DTD2: variants seen among roughly 807,000 people sequenced by gnomAD.
DTD2 encodes the protein D-aminoacyl-tRNA deacylase 2, also known as D-tyrosyl-tRNA deacylase 2 (putative).
In DTD2, 12 loss-of-function variants were observed where a neutral mutation model predicts 15.5. The ratio of observed to expected loss-of-function variants is 0.77; its 90% CI spans 0.50 to 1.25. The LOEUF (loss-of-function observed/expected upper bound fraction) is 1.25, where lower values mean the gene tolerates loss of function less well. Among genes scored for constraint, DTD2 ranks in the 50% most tolerant of loss-of-function variants. The probability of loss-of-function intolerance (pLI) is 0.00; values close to 1 mark genes in which losing one functional copy is unlikely to be tolerated. For missense variants in DTD2, 170 were observed against 201.1 expected (o/e 0.85, Z 0.93); for synonymous variants, 59 against 77.3 (o/e 0.76, Z 1.24).
At position 31,446,357 on chromosome 14, in the gene DTD2, A is replaced by C. The variant is rs1022646311; in HGVS notation, c.*1772T>G. ...TAAAAAAAAAAAGTATTTTCAACTC[A>C]AGTCAGAGGAGTTTGCCAAAACTGA... On this transcript the variant is annotated 3_prime_UTR_variant, in exon 3 of 3. Transcript: ENST00000310850. The C allele has an allele frequency of 6.6e-6, 1 of 152,152 alleles. No individual in the cohort carries two copies. The highest frequency in any genetic ancestry group is 1.5e-5 in the Non-Finnish European group (1 of 68,022). The allele number at this position is 152,152 out of a possible 1,614,324, so 9.4% of individuals were successfully genotyped here. A position where few individuals can be genotyped will look rare whatever the true frequency, so the allele number is the denominator to read the frequency against.
rs149834157 is a variant in DTD2 at position 31,449,818 on chromosome 14, G to A, written c.182-1364C>T. Reference sequence around the variant, plus strand: ...CATGCTTTCTGTTGGGGTAGCTAACGGTTTTAATTATTAGAGGGTCTGTAG... The same window carrying A: ...CATGCTTTCTGTTGGGGTAGCTAACAGTTTTAATTATTAGAGGGTCTGTAG... On this transcript the variant is annotated intron_variant, in intron 2 of 2. Coordinates refer to ENST00000310850, the MANE Select transcript of DTD2 (RefSeq NM_080664.3). Among the ~76,000 whole-genome samples, 5 of 152,262 alleles carry A rather than the reference G, an allele frequency of 3.3e-5. No homozygotes were observed. In the East Asian group the frequency reaches 5.8e-4, roughly 18 times the overall value.
intron 1 of DTD2, 122 bp downstream of exon 1, chr14:31,457,161 G>T (rs2032104684): frequency 1.1e-6 from 1 of 924,252 alleles, no homozygotes; most frequent in South Asian, 1.5e-5. Flanking sequence ...AGCTGACCCG[G>T]TATCCCCGCG....
intron 1 of DTD2, chr14:31,456,969 C>T: frequency 2.6e-6 from 1 of 390,034 alleles, no homozygotes; most frequent in South Asian, 2.8e-5. Context: ...GCATAGACCA[C>T]GAGCTGCAAG....
chr14:31,455,780 A>C (rs8020578), intron 1 of DTD2, among the ~76,000 whole-genome samples: 96,761 of 150,878 alleles, frequency 0.64, 31,804 homozygotes, highest in African/African-American at 0.8. Context: ...CGGGATTTCA[A>C]CATGTTGGCC....
chr14:31,448,536 CAT>C, intron 2 of DTD2, 82 bp from the exon 3 acceptor site: 1 of 1,296,384 alleles, frequency 7.7e-7, no homozygotes, highest in East Asian at 2.4e-5. Context: ...CAGCAAATCT[CAT>C]GTTTAAAATT....
chr14:31,451,864 T>C (rs775944045), intron 2 of DTD2, among the ~76,000 whole-genome samples: 16 of 152,230 alleles, frequency 1.1e-4, no homozygotes, highest in Non-Finnish European at 2.4e-4. Flanking sequence ...CAAGTTTGTA[T>C]GTATGTTTGT....
intron 2 of DTD2, among the ~76,000 whole-genome samples, chr14:31,451,488 G>C (rs2032034749): frequency 6.6e-6 from 1 of 151,580 alleles, no homozygotes; most frequent in Non-Finnish European, 1.5e-5. Flanking sequence ...CTTCAGACCA[G>C]AACATTATGC....
At position 31,448,323 on chromosome 14, in the gene DTD2, G is replaced by A; in HGVS notation, c.313C>T (p.Gln105Ter). ...LGGRLKGRNMQYHSNSGKEEG... is the reference protein window; with the variant it reads ...LGGRLKGRNM ...TCTTTTCCAGAGTTAGAGTGATATT[G>A]CATGTTTCTTCCTTTTAGTCTTCCT... Residue 105 changes from glutamine (Q) to a stop codon, truncating the protein, a stop_gained, in exon 3 of 3, where the codon CAA becomes TAA. Transcript: ENST00000310850. LOFTEE classifies it high-confidence loss of function. The A allele has an allele frequency of 6.2e-7, 1 of 1,614,144 alleles. No individual in the cohort carries two copies. The highest frequency in any genetic ancestry group is 1.1e-5 in the South Asian group (1 of 91,082).
intron 1 of DTD2, among the ~76,000 whole-genome samples, chr14:31,456,723 G>A (rs12897517): frequency 0.056 from 8,474 of 152,268 alleles, 327 homozygotes; most frequent in Non-Finnish European, 0.083. Flanking sequence ...TAAATTCTTT[G>A]GAGAAATGTG....
At position 31,457,253 on chromosome 14, in the gene DTD2, G is replaced by GTTA. The variant is rs761870196; in HGVS notation, c.111+29_111+30insTAA. 7.8e-6 allele frequency: 12 copies of GTTA among 1,540,694 alleles called. No homozygotes were observed. The East Asian group carries it at 2.9e-4, about 38-fold the overall frequency. On this transcript the variant is annotated intron_variant, in intron 1 of 2. Transcript: ENST00000310850. ...GGAAAAAACCGCCCCGCACGCCGGA[G>GTTA]GATAACGAGAGCTGCCGGGCTGACG...
intron 1 of DTD2, among the ~76,000 whole-genome samples, chr14:31,455,550 CA>C (rs1196931988): frequency 0.027 from 1,871 of 68,736 alleles, 14 homozygotes; most frequent in South Asian, 0.054. Context: ...GACTCTGTCT[CA>C]AAAAAAAAAA....
rs2031980329 is a variant in DTD2 at position 31,447,887 on chromosome 14, C to A, written c.*242G>T. 2.2e-6 allele frequency: 1 copy of A among 451,504 alleles called. No individual in the cohort carries two copies. Among genetic ancestry groups the A allele is most frequent in the South Asian group, 4.1e-5 (1 of 24,464 alleles). The allele number at this position is 451,504 out of a possible 1,614,324, so 28.0% of individuals were successfully genotyped here. The stretch of plus-strand genomic sequence containing the variant: ...TAATGACTATGAAGTGAATAGACAG[C>A]ATATTTCAAATTTTCAAGTAGAAGG... On this transcript the variant is annotated 3_prime_UTR_variant, in exon 3 of 3. Transcript: ENST00000310850.
At chr14:31,448,933 G>A (rs936849155) in intron 2 of DTD2, among the ~76,000 whole-genome samples, 10 of 152,044 alleles carry the variant, frequency 6.6e-5, no homozygotes, top group South Asian at 2.1e-4. Flanking sequence ...TCACTCTGTC[G>A]CCCAGGCTGG....
chr14:31,449,771 C>G (rs1041192503), intron 2 of DTD2, among the ~76,000 whole-genome samples: 2 of 152,102 alleles, frequency 1.3e-5, no homozygotes, highest in African/African-American at 4.8e-5. Flanking sequence ...AGACACCTGC[C>G]CTCAAATTAG....
At position 31,447,112 on chromosome 14, in the gene DTD2, A is replaced by C. The variant is rs1408261722; in HGVS notation, c.*1017T>G. On this transcript the variant is annotated 3_prime_UTR_variant, in exon 3 of 3. Transcript: ENST00000310850. The stretch of plus-strand genomic sequence containing the variant: ...TTGAATGTCCCTGGAAAGTAATATA[A>C]CACACAATAACCCTTCTATATTACA... The C allele has an allele frequency of 6.6e-6, 1 of 152,158 alleles. No homozygotes were observed. The highest frequency in any genetic ancestry group is 2.4e-5 in the African/African-American group (1 of 41,442). 9.4% of individuals were successfully genotyped at this position (152,158 alleles called of 1,614,324 possible).
chr14:31,447,976 C>T lies in DTD2; in HGVS notation c.*153G>A. On this transcript the variant is annotated 3_prime_UTR_variant, in exon 3 of 3. Transcript: ENST00000310850. The stretch of plus-strand genomic sequence containing the variant: ...GTTTAGGTGACTTGGCAAAGTCATC[C>T]AATTAGCAGGTGCAGAGTTATATAT... 4.8e-6 allele frequency: 3 copies of T among 621,794 alleles called. No individual in the cohort carries two copies. The highest frequency in any genetic ancestry group is 5.4e-6 in the Non-Finnish European group (2 of 370,468). The allele number at this position is 621,794 out of a possible 1,614,324, so 38.5% of individuals were successfully genotyped here. A position where few individuals can be genotyped will look rare whatever the true frequency, so the allele number is the denominator to read the frequency against.
rs377544415 is a variant in DTD2 at position 31,450,284 on chromosome 14, G to A, written c.182-1830C>T. Among the ~76,000 whole-genome samples the A allele has an allele frequency of 3.0e-4, 46 of 152,270 alleles. No individual in the cohort carries two copies. In the South Asian group the frequency reaches 3.5e-3, roughly 12 times the overall value. ...AAATACAATGTAGAAACAGTAAGTA[G>A]AATTAAAACGAGACAATGAATTAAT... is the stretch of plus-strand genomic sequence containing the variant. On this transcript the variant is annotated intron_variant, in intron 2 of 2. Coordinates refer to ENST00000310850, the MANE Select transcript of DTD2 (RefSeq NM_080664.3).
At chr14:31,456,205 CA>C (rs2032092927) in intron 1 of DTD2, among the ~76,000 whole-genome samples, 1 of 151,932 alleles carries the variant, frequency 6.6e-6, no homozygotes, top group African/African-American at 2.4e-5. Flanking sequence ...CAAGCCTGGC[CA>C]AAATGGCGAA....
intron 2 of DTD2, chr14:31,453,002 A>G (rs1811686171): frequency 4.0e-6 from 1 of 251,186 alleles, no homozygotes; most frequent in Non-Finnish European, 7.5e-6. Flanking sequence ...CAGTGGCACC[A>G]TCTCGGCTCA....
Sources: gnomAD v4.1 joint callset for allele counts (sites outside exome capture counted in the v4.1 genomes callset) on GRCh38, gnomAD v4.1.1 for gene constraint, MANE v1.5 for transcripts, NCBI Gene and HGNC (gene_info 2026-07-23, HGNC 2026-07-21) for gene names.